RPS7: variants seen among roughly 807,000 people sequenced by gnomAD.
RPS7 encodes the protein small ribosomal subunit protein eS7.
RPS7 carries 1 observed loss-of-function variant against 22.1 expected under a neutral mutation model. That is an observed-to-expected ratio of 0.05 (90% CI 0.02 to 0.21). RPS7 has a LOEUF of 0.21. Ranked by LOEUF, RPS7 falls within the 10% of genes least tolerant of loss-of-function variation. The pLI, the probability that RPS7 is intolerant of heterozygous loss-of-function variation, is 1.00. For synonymous variants in RPS7, 80 were observed against 92.0 expected, an observed-to-expected ratio of 0.87 and a Z score of 0.74; for missense variants, 137 against 246.4, an observed-to-expected ratio of 0.56 and a Z score of 2.97.
At chr2:3,576,030 T>G in intron 3 of RPS7, 142 bp downstream of exon 3, 2 of 719,134 alleles carry the variant, frequency 2.8e-6, no homozygotes, top group Non-Finnish European at 5.0e-6. Context: ...CCGTGTTGTT[T>G]GGGAGTGATA....
rs533287773 is a variant in RPS7, at chr2:3,576,481, C to T, written c.148-6C>T. 1.5e-5 allele frequency: 24 copies of T among 1,613,224 alleles called. No individual in the cohort carries two copies. The African/African-American group carries it at 2.0e-4, about 13-fold the overall frequency. ...TAACACAGTGGATTTTTGTTTTTTTCTTTAGGAAATTGAAGTTGGTGGTGG... is the reference window on the plus strand; with the variant it reads ...TAACACAGTGGATTTTTGTTTTTTTTTTTAGGAAATTGAAGTTGGTGGTGG... On this transcript the variant is annotated splice_region_variant and splice_polypyrimidine_tract_variant and intron_variant, in intron 3 of 6. Coordinates refer to ENST00000645674, the MANE Select transcript of RPS7 (RefSeq NM_001011.4).
intron 5 of RPS7, chr2:3,579,835 T>A (rs957649651): frequency 2.9e-5 from 16 of 546,058 alleles, no homozygotes; most frequent in Non-Finnish European, 4.9e-5. Context: ...CTAGAGATGG[T>A]CACTCATTGC....
chr2:3,579,794 G>T, intron 5 of RPS7: 1 of 445,930 alleles, frequency 2.2e-6, no homozygotes, highest in South Asian at 2.4e-5. Context: ...TGAAAATAAA[G>T]ATGTATAAAA....
chr2:3,577,836 T>G (rs1273080374), intron 5 of RPS7, 62 bp downstream of exon 5: 6 of 1,151,538 alleles, frequency 5.2e-6, no homozygotes, highest in Non-Finnish European at 6.5e-6. Context: ...CTTAATTTGT[T>G]TAAGTTGTAG....
chr2:3,579,238 T>C (rs1661349045), intron 5 of RPS7: 1 of 152,260 alleles, frequency 6.6e-6, no homozygotes, highest in Non-Finnish European at 1.5e-5. Flanking sequence ...ATAATCCGTT[T>C]GTCTTGATTT....
intron 4 of RPS7, 146 bp downstream of exon 4, chr2:3,576,776 G>T (rs1326492167): frequency 7.6e-6 from 8 of 1,056,508 alleles, no homozygotes; most frequent in Non-Finnish European, 7.4e-6. Flanking sequence ...GCAGAGCGCC[G>T]TGGCTTAGGC....
Position 3,577,615 on chromosome 2 carries a change from C to T in RPS7, c.292-95C>T, listed in dbSNP as rs1661312030. On this transcript the variant is annotated intron_variant, in intron 4 of 6. Coordinates refer to ENST00000645674, the MANE Select transcript of RPS7 (RefSeq NM_001011.4). ...TTCTCGAACTTTGAACTTACCCTGC[C>T]ATTCTTCTTGCTTTTAAAGCAGTAT... 3 of 894,538 alleles carry T rather than the reference C, an allele frequency of 3.4e-6. 1 individual carries two copies. The Admixed American group carries it at 5.7e-5, about 17-fold the overall frequency. The allele number at this position is 894,538 out of a possible 1,614,324, so 55.4% of individuals were successfully genotyped here.
Position 3,580,310 on chromosome 2 carries a change from G to T in RPS7, c.507+50G>T, listed in dbSNP as rs763303217. On this transcript the variant is annotated intron_variant, in intron 6 of 6. Coordinates refer to ENST00000645674, the MANE Select transcript of RPS7 (RefSeq NM_001011.4). ...GAAAGGTTCAGCCACAGTGAGAGTGGATTTTAGTGTAACCAGTCTCCATGC... is the reference window on the plus strand; with the variant it reads ...GAAAGGTTCAGCCACAGTGAGAGTGTATTTTAGTGTAACCAGTCTCCATGC... The T allele has an allele frequency of 3.2e-6, 5 of 1,561,244 alleles. No homozygotes were observed. In the East Asian group the frequency reaches 1.1e-4, roughly 35 times the overall value.
chr2:3,576,110 A>G, intron 3 of RPS7: 1 of 614,184 alleles, frequency 1.6e-6, no homozygotes, highest in South Asian at 1.9e-5. Flanking sequence ...GGCGGTGGAG[A>G]AACGTGGAGT....
intron 1 of RPS7, 28 bp downstream of exon 1, chr2:3,575,378 A>G (rs898392339): frequency 1.8e-6 from 1 of 564,088 alleles, no homozygotes; most frequent in African/African-American, 2.0e-5. Flanking sequence ...TCTCCGACAG[A>G]ACTTTTCTTC....
At chr2:3,577,827 T>G (rs1661319429) in intron 5 of RPS7, 53 bp downstream of exon 5, 2 of 1,177,892 alleles carry the variant, frequency 1.7e-6, no homozygotes, top group Non-Finnish European at 2.5e-6. Context: ...TTAACAACTC[T>G]TAATTTGTTT....
Position 3,575,698 on chromosome 2 carries a change from C to A in RPS7, c.75+14C>A. 6.2e-7 allele frequency: 1 copy of A among 1,610,832 alleles called. No individual in the cohort carries two copies. The highest frequency in any genetic ancestry group is 8.5e-7 in the Non-Finnish European group (1 of 1,178,656). On this transcript the variant is annotated intron_variant, in intron 2 of 6. Coordinates refer to ENST00000645674, the MANE Select transcript of RPS7 (RefSeq NM_001011.4). ...GGCATCTCCCAGGTGAGAGGGTTTC[C>A]CTGGGGTCTGGGGTGGGGGGAGGCG...
chr2:3,580,913 C>T lies in RPS7; in HGVS notation c.*31C>T, dbSNP rs191506876. ...AATGACTAAATAAAAAGTATATATT[C>T]ACAGTACTCTGTTTCAGTTATGTTT... On this transcript the variant is annotated 3_prime_UTR_variant, in exon 7 of 7. Coordinates refer to ENST00000645674, the MANE Select transcript of RPS7 (RefSeq NM_001011.4). 252 of 1,236,742 alleles carry T rather than the reference C, an allele frequency of 2.0e-4. 2 individuals carry two copies. The East Asian group carries it at 4.6e-3, about 22-fold the overall frequency. The allele number at this position is 1,236,742 out of a possible 1,614,324, so 76.6% of individuals were successfully genotyped here.
In RPS7 at chr2:3,579,935, A is replaced by T. The variant is rs1661362773; in HGVS notation, c.357-175A>T. 13 of 677,292 alleles carry T rather than the reference A, an allele frequency of 1.9e-5. No individual in the cohort carries two copies. The South Asian group carries it at 2.0e-4, about 11-fold the overall frequency. The allele number at this position is 677,292 out of a possible 1,614,324, so 42.0% of individuals were successfully genotyped here. On this transcript the variant is annotated intron_variant, in intron 5 of 6. Transcript: ENST00000645674. ...AGTAAGCTATTACCCTATTCTAGGT[A>T]GGCAAAGGCTTTAGTTTGGTACGTG...
intron 4 of RPS7, 178 bp from the exon 5 acceptor site, chr2:3,577,532 A>G (rs1661308522): frequency 1.6e-6 from 1 of 613,164 alleles, no homozygotes; most frequent in African/African-American, 1.9e-5. Context: ...TTCAAGAATC[A>G]GGAAGTAACT....
chr2:3,580,335 C>T (rs1398555186), intron 6 of RPS7, 75 bp downstream of exon 6: 3 of 1,294,174 alleles, frequency 2.3e-6, no homozygotes, highest in African/African-American at 1.5e-5. Context: ...AGTCTCCATG[C>T]GCCACCATAG....
At chr2:3,577,534 G>GA (rs1397318143) in intron 4 of RPS7, 176 bp from the exon 5 acceptor site, 1 of 615,608 alleles carries the variant, frequency 1.6e-6, no homozygotes. Flanking sequence ...CAAGAATCAG[G>GA]AAGTAACTCC....
chr2:3,576,900 G>A, intron 4 of RPS7: 2 of 478,276 alleles, frequency 4.2e-6, no homozygotes, highest in South Asian at 2.2e-5. Context: ...TAAAAAGAAA[G>A]ATAAAGTACG....
intron 6 of RPS7, 144 bp from the exon 7 acceptor site, chr2:3,580,661 G>A (rs994180622): frequency 7.2e-5 from 49 of 685,064 alleles, no homozygotes; most frequent in East Asian, 2.4e-4. Flanking sequence ...GCTTGTCCCC[G>A]GTCGTGAAGA....
Sources: allele counts gnomAD v4.1 joint callset, GRCh38; gene constraint gnomAD v4.1.1; transcripts MANE v1.5; gene names NCBI Gene and HGNC (gene_info 2026-07-23, HGNC 2026-07-21).